DSP: variants seen among roughly 807,000 people sequenced by gnomAD.
DSP encodes the protein 250/210 kDa paraneoplastic pemphigus antigen.
A neutral mutation model predicts 290.6 loss-of-function variants in DSP; 114 were observed. That is an observed-to-expected ratio of 0.39 (90% CI 0.34 to 0.46). The LOEUF is 0.46. DSP is among the 20% of genes least tolerant of loss of function. The pLI is 0.99. For synonymous variants in DSP, 1,311 were observed against 1,316.4 expected, an observed-to-expected ratio of 1.00 and a Z score of 0.09; for missense variants, 3,230 against 3,495.8, an observed-to-expected ratio of 0.92 and a Z score of 1.92.
In DSP at chr6:7,585,199, C is replaced by G; in HGVS notation, c.7937C>G (p.Thr2646Arg). The change falls in exon 24 of 24, where the codon ACG becomes AGG. Residue 2646 changes from threonine (T) to arginine (R), a missense_variant. This residue lies in a region of DSP where 582 missense variants were observed against 555.4 expected (regional missense o/e 1.05). Coordinates refer to ENST00000379802, the MANE Select transcript of DSP (RefSeq NM_004415.4). The stretch of plus-strand genomic sequence containing the variant: ...GAGCGGGGCATCGTTGACAGCATCA[C>G]GGGTCAGAGGCTTCTGGAGGCTCAG... ...GIERGIVDSITGQRLLEAQAC... is the reference protein window; with the variant it reads ...GIERGIVDSIRGQRLLEAQAC... The G allele has an allele frequency of 6.2e-7, 1 of 1,614,122 alleles. No homozygotes were observed. The highest frequency in any genetic ancestry group is 8.5e-7 in the Non-Finnish European group (1 of 1,180,022).
chr6:7,568,867 A>T (rs1758944972), intron 11 of DSP, among the ~76,000 whole-genome samples: 1 of 152,202 alleles, frequency 6.6e-6, no homozygotes, highest in African/African-American at 2.4e-5. Context: ...GATCACTCTC[A>T]TCTTTAAATT....
Position 7,574,791 on chromosome 6 carries a change from T to C in DSP, c.2432T>C (p.Leu811Pro), listed in dbSNP as rs869025391. ...AAAGTGGAAGCTTACCGCTGTGGAC[T>C]GAAGGTAACTTGAAAGCTTATAACA... ...LDKVEAYRCG[L>P]KKIKNDLNLK... Residue 811 changes from leucine to proline, a missense_variant, in exon 17 of 24, where the codon CTG becomes CCG. Physicochemically the swap from Leu to Pro is moderately conservative, Grantham distance 98. This residue lies in a region of DSP where 1,714 missense variants were observed against 1,844.5 expected (regional missense o/e 0.93). Coordinates refer to ENST00000379802, the MANE Select transcript of DSP (RefSeq NM_004415.4). The C allele has an allele frequency of 6.2e-7, 1 of 1,614,176 alleles. No individual in the cohort carries two copies. Among genetic ancestry groups the C allele is most frequent in the South Asian group, 1.1e-5 (1 of 91,084 alleles).
At position 7,585,666 on chromosome 6, in the gene DSP, C is replaced by T. The variant is rs201271117; in HGVS notation, c.8404C>T (p.Leu2802Phe). 11 of 1,614,118 alleles carry T rather than the reference C, an allele frequency of 6.8e-6. No individual in the cohort carries two copies. Among genetic ancestry groups the T allele is most frequent in the East Asian group, 2.2e-5 (1 of 44,894 alleles). ...GGTAGAAGATATCACTGGGCTGCGC[C>T]TTCTGGAAGCCGCCTCCGTGTCGTC... The part of the protein sequence containing the change: ...SMVEDITGLR[L>F]LEAASVSSKG... Residue 2802 changes from leucine to phenylalanine, a missense_variant, in exon 24 of 24, where the codon CTT becomes TTT. By Grantham distance (22) the Leu-to-Phe change is conservative (BLOSUM62 0). This residue lies in a region of DSP where 582 missense variants were observed against 555.4 expected (regional missense o/e 1.05). Transcript: ENST00000379802.
intron 1 of DSP, among the ~76,000 whole-genome samples, chr6:7,553,413 T>C (rs1027879535): frequency 1.5e-4 from 23 of 152,202 alleles, no homozygotes; most frequent in African/African-American, 4.8e-4. Flanking sequence ...CGGAGCCAAA[T>C]TGCTGAACAG....
chr6:7,585,394 A>G lies in DSP; in HGVS notation c.8132A>G (p.Glu2711Gly), dbSNP rs757858328. Residue 2711 changes from glutamate (E) to glycine (G), a missense_variant, in exon 24 of 24, where the codon GAG becomes GGG. Glu to Gly is a moderately conservative substitution (Grantham distance 98). This residue lies in a region of DSP where 582 missense variants were observed against 555.4 expected (regional missense o/e 1.05). Coordinates refer to ENST00000379802, the MANE Select transcript of DSP (RefSeq NM_004415.4). ...GGAAAGAAGAAGATGTCAGCAGCAG[A>G]GGCAGTGAAAGAAAAATGGCTCCCG... is the stretch of plus-strand genomic sequence containing the variant. ...VKGKKKMSAA[E>G]AVKEKWLPYE... 1 of 1,614,168 alleles carries G rather than the reference A, an allele frequency of 6.2e-7. No homozygotes were observed. The highest frequency in any genetic ancestry group is 8.5e-7 in the Non-Finnish European group (1 of 1,180,026).
At chr6:7,562,965 A>G (rs1758748489) in intron 5 of DSP, among the ~76,000 whole-genome samples, 185 bp downstream of exon 5, 1 of 152,228 alleles carries the variant, frequency 6.6e-6, no homozygotes, top group African/African-American at 2.4e-5. Flanking sequence ...AGATTATGTT[A>G]ACACTTGAAG....
chr6:7,565,196 G>A lies in DSP; in HGVS notation c.778-163G>A, dbSNP rs112179071. ...TCTTGTTCATTGCAGATTTGGATGG[G>A]TCTTTTCCCATACCAGGTGGTCAGT... is the stretch of plus-strand genomic sequence containing the variant. On this transcript the variant is annotated intron_variant, in intron 6 of 23. Transcript: ENST00000379802. The surrounding 1 kb of genome is among the most constrained non-coding windows in gnomAD (Gnocchi z 4.2). Among the ~76,000 whole-genome samples, 144 of 151,948 alleles carry A rather than the reference G, an allele frequency of 9.5e-4. No individual in the cohort carries two copies. The highest frequency in any genetic ancestry group is 3.3e-3 in the African/African-American group (138 of 41,464).
rs954061184 is a variant in DSP, at chr6:7,584,918, C to T, written c.7656C>T (p.Leu2552=). Residue 2552 remains leucine, a synonymous_variant, in exon 24 of 24, where the codon CTC becomes CTT. Transcript: ENST00000379802. This position sits in a 1 kb window ranked among gnomAD's most constrained non-coding sequence, Gnocchi z 6.4. ...TTGATCAGTACCGATCCGGCAGCCT[C>T]AGCCTCACTCAATTTGCTGACATGA... ...KFFDQYRSGS[L]SLTQFADMIS... is the part of the protein sequence containing the mutation. The T allele has an allele frequency of 6.2e-7, 1 of 1,614,216 alleles. No individual in the cohort carries two copies. Among genetic ancestry groups the T allele is most frequent in the Non-Finnish European group, 8.5e-7 (1 of 1,180,042 alleles).
rs1757980111 is a variant in DSP, at chr6:7,541,795, C to T, written c.-121C>T. On this transcript the variant is annotated 5_prime_UTR_variant, in exon 1 of 24. Coordinates refer to ENST00000379802, the MANE Select transcript of DSP (RefSeq NM_004415.4). ...GGTAGCGAGCAGCGACCTCGCGAGC[C>T]TTCCGCACTCCCGCCCGGTTCCCCG... is the stretch of plus-strand genomic sequence containing the variant. 7 of 1,326,022 alleles carry T rather than the reference C, an allele frequency of 5.3e-6. No individual in the cohort carries two copies. Among genetic ancestry groups the T allele is most frequent in the Non-Finnish European group, 7.1e-6 (7 of 991,588 alleles). The allele number at this position is 1,326,022 out of a possible 1,614,324, so 82.1% of individuals were successfully genotyped here.
intron 11 of DSP, 131 bp downstream of exon 11, chr6:7,568,720 G>A: frequency 9.8e-7 from 1 of 1,016,176 alleles, no homozygotes; most frequent in Non-Finnish European, 1.5e-6. Flanking sequence ...TATGAAATCA[G>A]CAGCTATGGA....
At chr6:7,543,074 G>C (rs894508685) in intron 1 of DSP, among the ~76,000 whole-genome samples, 7 of 152,144 alleles carry the variant, frequency 4.6e-5, no homozygotes, top group African/African-American at 1.7e-4. Flanking sequence ...GGGTGGGGAA[G>C]AGATCCTGTC....
At chr6:7,548,583 ATC>A (rs1758241046) in intron 1 of DSP, among the ~76,000 whole-genome samples, 1 of 152,242 alleles carries the variant, frequency 6.6e-6, no homozygotes, top group African/African-American at 2.4e-5. Flanking sequence ...CACAAACACA[ATC>A]TGCCAAACAC....
Position 7,565,279 on chromosome 6 carries a change from A to T in DSP, c.778-80A>T. 1 of 1,566,744 alleles carries T rather than the reference A, an allele frequency of 6.4e-7. No individual in the cohort carries two copies. The highest frequency in any genetic ancestry group is 2.2e-5 in the East Asian group (1 of 44,646). ...GTGATTTTTTTTTTAAAGGGACCAC[A>T]GGTTTAATCTTTAAACCTGCAGAGA... On this transcript the variant is annotated intron_variant, in intron 6 of 23. Transcript: ENST00000379802. This position sits in a 1 kb window ranked among gnomAD's most constrained non-coding sequence, Gnocchi z 4.2.
At position 7,562,719 on chromosome 6, in the gene DSP, G is replaced by T. The variant is rs377749481; in HGVS notation, c.665G>T (p.Arg222Leu). ...GTGGAGCAGCACATTAACAGCCACC[G>T]GGGCATCCACAACTCCATCGGCGAC... ...ASVEQHINSH[R>L]GIHNSIGDYR... The change falls in exon 5 of 24, where the codon CGG becomes CTG. Residue 222 changes from arginine (R) to leucine (L), a missense_variant. Transcript: ENST00000379802. 3 of 1,613,992 alleles carry T rather than the reference G, an allele frequency of 1.9e-6. No homozygotes were observed. Among genetic ancestry groups the T allele is most frequent in the Non-Finnish European group, 2.5e-6 (3 of 1,179,996 alleles).
intron 1 of DSP, among the ~76,000 whole-genome samples, chr6:7,542,962 G>A (rs1021068920): frequency 1.3e-4 from 20 of 152,160 alleles, no homozygotes; most frequent in Non-Finnish European, 2.4e-4. Flanking sequence ...AGAGGACGAC[G>A]CTGGGGGCCC....
rs569955363 is a variant in DSP, at chr6:7,569,171, T to C, written c.1420-15T>C. 28 of 1,613,824 alleles carry C rather than the reference T, an allele frequency of 1.7e-5. No homozygotes were observed. The African/African-American group carries it at 2.3e-4, about 13-fold the overall frequency. ...TTATGAATAAAGCCAAACCCTGGGGTTGCTTGCCTTACAGAAAATCGTGCA... is the reference window on the plus strand; with the variant it reads ...TTATGAATAAAGCCAAACCCTGGGGCTGCTTGCCTTACAGAAAATCGTGCA... On this transcript the variant is annotated splice_polypyrimidine_tract_variant and intron_variant, in intron 11 of 23. Coordinates refer to ENST00000379802, the MANE Select transcript of DSP (RefSeq NM_004415.4).
At chr6:7,554,126 C>CACACA (rs61605193) in intron 1 of DSP, among the ~76,000 whole-genome samples, 15 of 130,446 alleles carry the variant, frequency 1.1e-4, no homozygotes, top group Middle Eastern at 4.2e-3. Context: ...CACACACACA[C>CACACA]CCAGTTGGTT....
rs752616130 is a variant in DSP at position 7,585,126 on chromosome 6, A to G, written c.7864A>G (p.Ile2622Val). Residue 2622 changes from isoleucine (I) to valine (V), a missense_variant, in exon 24 of 24, where the codon ATC (isoleucine) becomes GTC (valine). Around this residue, in one of 5 missense-constraint regions of DSP, gnomAD observed 582 missense variants for 555.4 expected, o/e 1.05. Transcript: ENST00000379802. ...GGAAGAATCGAGCCCCATTGCAGCCATCTTTGACACAGAAAACCTGGAGAA... is the reference window on the plus strand; with the variant it reads ...GGAAGAATCGAGCCCCATTGCAGCCGTCTTTGACACAGAAAACCTGGAGAA... Reference protein sequence around the residue: ...TLEESSPIAAIFDTENLEKIS... With the variant: ...TLEESSPIAAVFDTENLEKIS... The G allele has an allele frequency of 1.9e-6, 3 of 1,614,042 alleles. No homozygotes were observed. The highest frequency in any genetic ancestry group is 1.1e-5 in the South Asian group (1 of 91,084).
chr6:7,583,832 CAGA>C lies in DSP; in HGVS notation c.6572_6574del (p.Arg2191del). ...GTTACGTGCAGCTGAAGGAACGGTGCAGAATCGAACCACATACTGGTCTGCTCT... is the reference window on the plus strand; with the variant it reads ...GTTACGTGCAGCTGAAGGAACGGTGCATCGAACCACATACTGGTCTGCTCT... On this transcript the variant is annotated inframe_deletion, in exon 24 of 24. Transcript: ENST00000379802. The surrounding 1 kb of genome is among the most constrained non-coding windows in gnomAD (Gnocchi z 4.0). 6.2e-7 allele frequency: 1 copy of C among 1,614,112 alleles called. No homozygotes were observed. Among genetic ancestry groups the C allele is most frequent in the Non-Finnish European group, 8.5e-7 (1 of 1,180,020 alleles).
Sources: gnomAD v4.1 joint callset for allele counts (sites outside exome capture counted in the v4.1 genomes callset) on GRCh38, gnomAD v4.1.1 for gene constraint, gnomAD v4.1.1 regional missense constraint, Gnocchi (gnomAD v3.1) non-coding constraint, MANE v1.5 for transcripts, NCBI Gene and HGNC (gene_info 2026-07-23, HGNC 2026-07-21) for gene names.